EZR: variants seen among roughly 807,000 people sequenced by gnomAD.
The protein encoded by EZR is ezrin.
A neutral mutation model predicts 74.8 loss-of-function variants in EZR; 40 were observed. The observed-to-expected ratio is 0.53, with a 90% CI of 0.42 to 0.70. The LOEUF (loss-of-function observed/expected upper bound fraction) is 0.70. Ranked by LOEUF, EZR falls within the 30% of genes least tolerant of loss-of-function variation. The probability of loss-of-function intolerance (pLI) is 0.00; values close to 1 mark genes in which losing one functional copy is unlikely to be tolerated. For synonymous variants in EZR, 341 were observed against 283.3 expected (o/e 1.20, Z -2.05); for missense variants, 678 against 755.8 (o/e 0.90, Z 1.21).
chr6:158,807,314 CAAAAA>C (rs56041297), intron 2 of EZR, among the ~76,000 whole-genome samples: 159 of 136,284 alleles, frequency 1.2e-3, no homozygotes, highest in African/African-American at 2.6e-3. Flanking sequence ...GACTCCGTCT[CAAAAA>C]AAAAAAAAAA....
chr6:158,769,786 G>A lies in EZR; in HGVS notation c.1249C>T (p.Leu417=), dbSNP rs900927046. 1.9e-6 allele frequency: 3 copies of A among 1,613,604 alleles called. No individual in the cohort carries two copies. In the African/African-American group the frequency reaches 4.0e-5, roughly 22 times the overall value. ...CTTGAAACTCAGGCCATTCCTACCA[G>A]CTGCTCCTGGCTCTTTATCTGATCC... ...AVDQIKSQEQ[L]AAELAEYTAK... Residue 417 remains leucine, a splice_region_variant and synonymous_variant, in exon 11 of 14, where the codon CTG becomes TTG. Coordinates refer to ENST00000367075, the MANE Select transcript of EZR (RefSeq NM_001111077.2).
chr6:158,809,453 C>T (rs1322489899), intron 2 of EZR, among the ~76,000 whole-genome samples: 1 of 152,190 alleles, frequency 6.6e-6, no homozygotes, highest in Non-Finnish European at 1.5e-5. Context: ...TACACAATAG[C>T]TTAGCAAGTG....
intron 8 of EZR, among the ~76,000 whole-genome samples, chr6:158,772,860 G>A (rs527533903): frequency 2.6e-5 from 4 of 152,184 alleles, no homozygotes; most frequent in Admixed American, 6.5e-5. Flanking sequence ...CCGGCTGAGC[G>A]GGCTCATCAA....
chr6:158,818,220 GCCGCGCCCGACACT>G, intron 1 of EZR, 54 bp from the exon 2 acceptor site: 1 of 1,032,288 alleles, frequency 9.7e-7, no homozygotes, highest in Non-Finnish European at 1.4e-6. Context: ...TCGTCCTCCT[GCCGCGCCCGACACT>G]CGGCGCCCGC....
chr6:158,779,972 C>A (rs1219350887), intron 7 of EZR, among the ~76,000 whole-genome samples: 1 of 152,004 alleles, frequency 6.6e-6, no homozygotes, highest in Non-Finnish European at 1.5e-5. Context: ...CATTTGAGGT[C>A]AGGAGTTTGA....
chr6:158,794,669 CG>C (rs1196390373), intron 2 of EZR, among the ~76,000 whole-genome samples: 1 of 152,088 alleles, frequency 6.6e-6, no homozygotes, highest in East Asian at 1.9e-4. Flanking sequence ...TTATCAAAAA[CG>C]GTGTTCAGTG....
At chr6:158,803,699 A>G (rs920580882) in intron 2 of EZR, among the ~76,000 whole-genome samples, 25 of 143,252 alleles carry the variant, frequency 1.7e-4, no homozygotes, top group African/African-American at 6.0e-4. Context: ...AATAATAGCC[A>G]CCCCATAATT....
chr6:158,803,232 A>G (rs1777226662), intron 2 of EZR, among the ~76,000 whole-genome samples: 1 of 151,798 alleles, frequency 6.6e-6, no homozygotes, highest in Non-Finnish European at 1.5e-5. Flanking sequence ...TTACATTTTT[A>G]TGTTATATAA....
At chr6:158,775,439 A>C (rs1053700472) in intron 8 of EZR, among the ~76,000 whole-genome samples, 3 of 152,256 alleles carry the variant, frequency 2.0e-5, no homozygotes, top group East Asian at 1.9e-4. Context: ...CAGGACAATA[A>C]CACCACATAC....
At chr6:158,799,574 C>T (rs1171757512) in intron 2 of EZR, among the ~76,000 whole-genome samples, 1 of 152,234 alleles carries the variant, frequency 6.6e-6, no homozygotes, top group East Asian at 1.9e-4. Context: ...GGATCCTAAT[C>T]CCCTTATCTC....
intron 2 of EZR, among the ~76,000 whole-genome samples, chr6:158,808,192 T>C (rs572350923): frequency 6.6e-6 from 1 of 152,304 alleles, no homozygotes; most frequent in South Asian, 2.1e-4. Flanking sequence ...AATCAATTCC[T>C]TATCTATGGG....
chr6:158,782,090 G>C (rs1791448152), intron 7 of EZR, among the ~76,000 whole-genome samples: 1 of 152,082 alleles, frequency 6.6e-6, no homozygotes, highest in African/African-American at 2.4e-5. Context: ...GCTGCATCCA[G>C]CACACTTGGA....
rs766538355 is a variant in EZR at position 158,767,366 on chromosome 6, C to T, written c.1491G>A (p.Thr497=). Residue 497 remains threonine (T), a synonymous_variant, in exon 13 of 14, where the codon ACG becomes ACA. Coordinates refer to ENST00000367075, the MANE Select transcript of EZR (RefSeq NM_001111077.2). ...ESLQDEGAEP[T]GYSAELSSEG... ...CACTAGACAGCTCCGCGCTGTAGCC[C>T]GTGGGCTCTGCGCCCTCATCCTGCA... 1.7e-5 allele frequency: 28 copies of T among 1,607,428 alleles called. No individual in the cohort carries two copies. Among genetic ancestry groups the T allele is most frequent in the East Asian group, 2.2e-5 (1 of 44,466 alleles).
chr6:158,784,987 A>G (rs1018520180), intron 5 of EZR, among the ~76,000 whole-genome samples: 2 of 152,202 alleles, frequency 1.3e-5, no homozygotes, highest in African/African-American at 4.8e-5. Context: ...AAATGGGGTA[A>G]TTTTTGTGAC....
Position 158,818,113 on chromosome 6 carries a change from T to C in EZR, c.-20A>G. 1 of 1,607,162 alleles carries C rather than the reference T, an allele frequency of 6.2e-7. No individual in the cohort carries two copies. The highest frequency in any genetic ancestry group is 1.1e-5 in the South Asian group (1 of 90,448). On this transcript the variant is annotated 5_prime_UTR_variant, in exon 2 of 14. Transcript: ENST00000367075. ...CGGCATTTTCGGTTTCTGGTGAGTATCCTCGATCCCCGAAAACACGACTAT... is the reference window on the plus strand; with the variant it reads ...CGGCATTTTCGGTTTCTGGTGAGTACCCTCGATCCCCGAAAACACGACTAT...
intron 2 of EZR, among the ~76,000 whole-genome samples, chr6:158,807,753 C>T (rs997682425): frequency 5.3e-5 from 8 of 152,150 alleles, no homozygotes; most frequent in African/African-American, 1.9e-4. Context: ...TGTCTTTCCC[C>T]CTGCAATATA....
intron 8 of EZR, among the ~76,000 whole-genome samples, chr6:158,774,843 T>C (rs1024394241): frequency 6.6e-6 from 1 of 152,002 alleles, no homozygotes; most frequent in Non-Finnish European, 1.5e-5. Context: ...CAGCATTTTC[T>C]TGCTCTTCTA....
At chr6:158,795,900 T>C (rs1356061918) in intron 2 of EZR, among the ~76,000 whole-genome samples, 1 of 152,170 alleles carries the variant, frequency 6.6e-6, no homozygotes, top group African/African-American at 2.4e-5. Flanking sequence ...TGAGGACCCC[T>C]AGCTGATGAC....
At chr6:158,767,580 A>G in intron 12 of EZR, 68 bp from the exon 13 acceptor site, 1 of 1,481,546 alleles carries the variant, frequency 6.7e-7, no homozygotes, top group South Asian at 1.3e-5. Context: ...ATGAGAACAG[A>G]CTGTCACCTC....
Sources: gnomAD v4.1 joint callset for allele counts (sites outside exome capture counted in the v4.1 genomes callset) on GRCh38, gnomAD v4.1.1 for gene constraint, MANE v1.5 for transcripts, NCBI Gene and HGNC (gene_info 2026-07-23, HGNC 2026-07-21) for gene names.